The following COBLL1 variants were observed in gnomAD, a reference collection of about 807,000 sequenced individuals.
The protein encoded by COBLL1 is cordon-bleu protein-like 1.
COBLL1 carries 50 observed loss-of-function variants against 94.8 expected under a neutral mutation model. The ratio of observed to expected loss-of-function variants is 0.53; its 90% CI spans 0.42 to 0.67. The LOEUF is 0.67. Ranked by LOEUF, COBLL1 falls within the 30% of genes least tolerant of loss-of-function variation. The pLI is 0.00. For missense variants in COBLL1, 1,362 were observed against 1,348.7 expected, an observed-to-expected ratio of 1.01 and a Z score of -0.15; for synonymous variants, 448 against 473.8, an observed-to-expected ratio of 0.95 and a Z score of 0.71.
chr2:164,795,530 C>T (rs1035046663), intron 2 of COBLL1, among the ~76,000 whole-genome samples: 21 of 152,042 alleles, frequency 1.4e-4, no homozygotes, highest in Admixed American at 9.2e-4. Flanking sequence ...GACCAATGAC[C>T]CGCTCCCAGT....
chr2:164,769,793 C>G (rs527393337), intron 2 of COBLL1, among the ~76,000 whole-genome samples: 3 of 152,164 alleles, frequency 2.0e-5, no homozygotes, highest in East Asian at 3.9e-4. Context: ...ACATATACCC[C>G]CCCCAGAGCA....
chr2:164,792,111 A>C (rs568282182), intron 2 of COBLL1, among the ~76,000 whole-genome samples: 226 of 150,828 alleles, frequency 1.5e-3, no homozygotes, highest in Non-Finnish European at 2.3e-3. Context: ...TCTATTCTTT[A>C]TTTATTTATT....
At position 164,705,333 on chromosome 2, in the gene COBLL1, A is replaced by G. The variant is rs116377596; in HGVS notation, c.997-228T>C. The G allele has an allele frequency of 5.1e-3, 1,807 of 351,694 alleles. 26 individuals carry two copies. The highest frequency in any genetic ancestry group is 0.035 in the African/African-American group (1,683 of 47,756). The allele number at this position is 351,694 out of a possible 1,614,324, so 21.8% of individuals were successfully genotyped here. ...CTCAAGAAACTTGGGCTAGAATGGG[A>G]AACTGCCACACAAACAACTAACTGT... On this transcript the variant is annotated intron_variant, in intron 7 of 13. Transcript: ENST00000652658.
At position 164,694,314 on chromosome 2, in the gene COBLL1, A is replaced by G. The variant is rs1437487753; in HGVS notation, c.3078T>C (p.Ser1026=). 15 of 1,613,852 alleles carry G rather than the reference A, an allele frequency of 9.3e-6. No homozygotes were observed. The highest frequency in any genetic ancestry group is 1.2e-5 in the Non-Finnish European group (14 of 1,179,892). ...GTGGGATGTCCACAAATTTATTTACAGAATGAGTCTTCCCTTCCTCTGTGT... is the reference window on the plus strand; with the variant it reads ...GTGGGATGTCCACAAATTTATTTACGGAATGAGTCTTCCCTTCCTCTGTGT... ...PANTEEGKTH[S]VNKFVDIPQL... Residue 1026 remains serine (S), a synonymous_variant, in exon 12 of 14, where the codon TCT becomes TCC. Transcript: ENST00000652658.
chr2:164,735,570 A>AACACT (rs2105536323), intron 3 of COBLL1, among the ~76,000 whole-genome samples: 1 of 152,008 alleles, frequency 6.6e-6, no homozygotes, highest in South Asian at 2.1e-4. Flanking sequence ...AAGGAGTCAT[A>AACACT]ACACTACAAA....
At chr2:164,805,331 C>CATATATA (rs1684059136) in intron 2 of COBLL1, among the ~76,000 whole-genome samples, 5 of 21,294 alleles carry the variant, frequency 2.3e-4, no homozygotes, top group Non-Finnish European at 4.3e-4. Flanking sequence ...CTCTCTCTCT[C>CATATATA]TCTCTCTATA....
At chr2:164,805,335 C>CTATATATATATATA (rs1268003621) in intron 2 of COBLL1, among the ~76,000 whole-genome samples, 5 of 19,828 alleles carry the variant, frequency 2.5e-4, no homozygotes, top group East Asian at 1.9e-3. Flanking sequence ...CTCTCTCTCT[C>CTATATATATATATA]TCTATATATA....
intron 2 of COBLL1, among the ~76,000 whole-genome samples, chr2:164,815,551 G>A (rs929243302): frequency 2.6e-5 from 4 of 152,068 alleles, no homozygotes; most frequent in African/African-American, 9.7e-5. Context: ...TAAGAAAATT[G>A]TATAAGCCTA....
chr2:164,702,438 C>T (rs1684338055), intron 9 of COBLL1, among the ~76,000 whole-genome samples: 1 of 150,968 alleles, frequency 6.6e-6, no homozygotes, highest in Admixed American at 6.6e-5. Context: ...GTGGCGGGCG[C>T]CTGTAGTCCC....
At chr2:164,703,958 G>A (rs1408904022) in intron 9 of COBLL1, among the ~76,000 whole-genome samples, 6 of 152,132 alleles carry the variant, frequency 3.9e-5, no homozygotes, top group African/African-American at 1.4e-4. Context: ...GAATCCTAGA[G>A]GAGAGCCATA....
At chr2:164,709,777 T>G (rs1684789090) in intron 7 of COBLL1, among the ~76,000 whole-genome samples, 1 of 152,138 alleles carries the variant, frequency 6.6e-6, no homozygotes, top group Non-Finnish European at 1.5e-5. Flanking sequence ...AACATGATTG[T>G]CACTAATTGA....
Position 164,722,466 on chromosome 2 carries a change from A to G in COBLL1, c.718T>C (p.Phe240Leu), listed in dbSNP as rs35945844. Residue 240 changes from phenylalanine to leucine, a missense_variant, in exon 6 of 14, where the codon TTT becomes CTT. Physicochemically the swap from Phe to Leu is conservative, Grantham distance 22 (BLOSUM62 0). Transcript: ENST00000652658. ...DIMKEKENKG[F>L]FSFFQRSKKK... is the part of the protein sequence containing the mutation. ...TTACTGCGTTGAAAAAAACTGAAAAACCCTTTATTTTCTTTCTCCTTCATA... is the reference window on the plus strand; with the variant it reads ...TTACTGCGTTGAAAAAAACTGAAAAGCCCTTTATTTTCTTTCTCCTTCATA... 2 of 1,523,432 alleles carry G rather than the reference A, an allele frequency of 1.3e-6. No individual in the cohort carries two copies. The highest frequency in any genetic ancestry group is 1.3e-5 in the South Asian group (1 of 75,162). The allele number at this position is 1,523,432 out of a possible 1,614,324, so 94.4% of individuals were successfully genotyped here. A position where few individuals can be genotyped will look rare whatever the true frequency, so the allele number is the denominator to read the frequency against.
chr2:164,829,455 T>C (rs188086682), intron 2 of COBLL1, among the ~76,000 whole-genome samples: 2 of 152,234 alleles, frequency 1.3e-5, no homozygotes, highest in East Asian at 3.9e-4. Context: ...AAAAACACAA[T>C]TATTCTTACA....
chr2:164,682,598 G>A lies in COBLL1; in HGVS notation c.*3348C>T, dbSNP rs753420133. 3.9e-5 allele frequency: 6 copies of A among 152,284 alleles called. No homozygotes were observed. Among genetic ancestry groups the A allele is most frequent in the South Asian group, 2.1e-4 (1 of 4,824 alleles). 9.4% of individuals were successfully genotyped at this position (152,284 alleles called of 1,614,324 possible). On this transcript the variant is annotated 3_prime_UTR_variant, in exon 14 of 14. Transcript: ENST00000652658. ...TGGCAGTTCATGAAGAGGTGAAATC[G>A]GAAGAAGGGTCACTCCTCAAAGAAT...
At chr2:164,732,899 CA>C (rs1420681890) in intron 3 of COBLL1, among the ~76,000 whole-genome samples, 2 of 152,024 alleles carry the variant, frequency 1.3e-5, no homozygotes, top group African/African-American at 2.4e-5. Context: ...ACTAAAAATA[CA>C]AAAAATTAGC....
intron 7 of COBLL1, among the ~76,000 whole-genome samples, chr2:164,710,695 C>T (rs1684852393): frequency 6.6e-6 from 1 of 151,774 alleles, no homozygotes. Context: ...TCCCGAGTAG[C>T]TGGGATTACA....
At chr2:164,660,605 T>C (rs895938597) in intron 2 of COBLL1, among the ~76,000 whole-genome samples, 3 of 152,162 alleles carry the variant, frequency 2.0e-5, no homozygotes, top group African/African-American at 7.2e-5. Flanking sequence ...ACTCATACTG[T>C]GTTGCTTTGT....
chr2:164,673,150 T>C (rs1156383342), intron 1 of COBLL1, among the ~76,000 whole-genome samples: 1 of 152,248 alleles, frequency 6.6e-6, no homozygotes, highest in Non-Finnish European at 1.5e-5. Flanking sequence ...ATTTTCTTAT[T>C]ACTGAAATAG....
At chr2:164,666,913 C>T (rs940467060) in intron 1 of COBLL1, among the ~76,000 whole-genome samples, 1 of 152,086 alleles carries the variant, frequency 6.6e-6, no homozygotes. Context: ...TCAACTTCTT[C>T]CAAACTCTTT....
Sources: gnomAD v4.1 joint callset for allele counts (sites outside exome capture counted in the v4.1 genomes callset) on GRCh38, gnomAD v4.1.1 for gene constraint, MANE v1.5 for transcripts, NCBI Gene and HGNC (gene_info 2026-07-23, HGNC 2026-07-21) for gene names.